The following LNX1 variants were observed in gnomAD, a reference collection of about 807,000 sequenced individuals.
The protein encoded by LNX1 is ligand of numb-protein X 1, also known as E3 ubiquitin-protein ligase LNX.
LNX1 carries 54 observed loss-of-function variants against 68.4 expected under a neutral mutation model. The observed-to-expected ratio is 0.79, with a 90% CI of 0.63 to 0.99. The LOEUF (loss-of-function observed/expected upper bound fraction) is 0.99, where lower values mean the gene tolerates loss of function less well. Ranked by LOEUF, LNX1 falls within the 50% of genes least tolerant of loss-of-function variation. The probability of loss-of-function intolerance (pLI) is 0.00; values close to 1 mark genes in which losing one functional copy is unlikely to be tolerated. For missense variants in LNX1, 906 were observed against 926.4 expected (o/e 0.98, Z 0.29); for synonymous variants, 336 against 350.0 (o/e 0.96, Z 0.45).
chr4:53,506,866 A>AAAAAAAAAAAAAAAAAAAG, intron 4 of LNX1, among the ~76,000 whole-genome samples: 2 of 148,498 alleles, frequency 1.3e-5, no homozygotes, highest in Non-Finnish European at 3.0e-5. Flanking sequence ...TAAAAAAAAA[A>AAAAAAAAAAAAAAAAAAAG]AAAAAAAAAG....
chr4:53,565,378 G>A (rs1395931579), intron 2 of LNX1, among the ~76,000 whole-genome samples: 1 of 151,966 alleles, frequency 6.6e-6, no homozygotes, highest in African/African-American at 2.4e-5. Context: ...GCACCCTCCA[G>A]CAGGGGCACA....
At chr4:53,566,166 G>A (rs1400621722) in intron 2 of LNX1, among the ~76,000 whole-genome samples, 3 of 151,938 alleles carry the variant, frequency 2.0e-5, no homozygotes, top group African/African-American at 7.3e-5. Flanking sequence ...AGATACTCCT[G>A]GAGAAGAGCA....
intron 2 of LNX1, among the ~76,000 whole-genome samples, chr4:53,566,704 A>G (rs1261338413): frequency 2.0e-5 from 3 of 152,152 alleles, no homozygotes; most frequent in African/African-American, 7.2e-5. Flanking sequence ...ACAGACTGGC[A>G]AATTGGATAA....
chr4:53,563,249 T>G (rs552745113), intron 2 of LNX1, among the ~76,000 whole-genome samples: 15 of 152,254 alleles, frequency 9.9e-5, no homozygotes, highest in African/African-American at 3.4e-4. Flanking sequence ...AGATGCATAT[T>G]TATTGAGTAA....
intron 1 of LNX1, among the ~76,000 whole-genome samples, chr4:53,644,614 T>C (rs193141781): frequency 6.6e-6 from 1 of 152,288 alleles, no homozygotes; most frequent in East Asian, 1.9e-4. Flanking sequence ...TCATAGCAAA[T>C]ACCTGGGAAC....
chr4:53,641,295 C>T (rs1313934399), intron 1 of LNX1, among the ~76,000 whole-genome samples: 1 of 152,214 alleles, frequency 6.6e-6, no homozygotes, highest in African/African-American at 2.4e-5. Flanking sequence ...TCTCTTCTGG[C>T]CCCAAGAGGG....
intron 1 of LNX1, among the ~76,000 whole-genome samples, chr4:53,648,194 A>C (rs1279670139): frequency 6.6e-6 from 1 of 151,900 alleles, no homozygotes; most frequent in African/African-American, 2.4e-5. Context: ...GTTACACAAT[A>C]GCTGTATCAG....
chr4:53,585,311 T>C (rs60601837), intron 1 of LNX1, among the ~76,000 whole-genome samples: 24,293 of 152,164 alleles, frequency 0.16, 2,061 homozygotes, highest in East Asian at 0.3. Context: ...GTAGTGATGA[T>C]GGCTGCCAAT....
upstream of LNX1, among the ~76,000 whole-genome samples, chr4:53,619,503 GT>G (rs1733790922): frequency 6.6e-6 from 1 of 152,090 alleles, no homozygotes; most frequent in African/African-American, 2.4e-5. Context: ...AGTTTCATGC[GT>G]GTTGGGTCAT....
In LNX1 at chr4:53,496,360, T is replaced by G. The variant is rs753747128; in HGVS notation, c.1013A>C (p.Asn338Thr). The change falls in exon 6 of 11, where the codon AAC becomes ACC. Residue 338 changes from asparagine (N) to threonine (T), a missense_variant. By Grantham distance (65) the Asn-to-Thr change is moderately conservative (BLOSUM62 0). Coordinates refer to ENST00000263925, the MANE Select transcript of LNX1 (RefSeq NM_001126328.3). ...CTGCCGCAGGAGACGCACAGCGTAG[T>G]TGTGAGGGACATTGCTGATGTCCAT... ...NGMDISNVPH[N>T]YAVRLLRQPC... The G allele has an allele frequency of 1.2e-6, 2 of 1,613,706 alleles. No individual in the cohort carries two copies. Among genetic ancestry groups the G allele is most frequent in the Non-Finnish European group, 1.7e-6 (2 of 1,179,708 alleles).
At chr4:53,571,065 G>A (rs1372148287) in intron 2 of LNX1, among the ~76,000 whole-genome samples, 1 of 150,468 alleles carries the variant, frequency 6.6e-6, no homozygotes, top group Non-Finnish European at 1.5e-5. Context: ...TTGAGATGGA[G>A]TCTCGCTCTG....
chr4:53,623,589 T>C (rs1733965727), intron 1 of LNX1, among the ~76,000 whole-genome samples: 1 of 152,006 alleles, frequency 6.6e-6, no homozygotes, highest in Non-Finnish European at 1.5e-5. Context: ...GTTAAGAGTA[T>C]TGTGATTTAG....
At chr4:53,545,656 T>C (rs1207616913) in intron 2 of LNX1, among the ~76,000 whole-genome samples, 1 of 152,188 alleles carries the variant, frequency 6.6e-6, no homozygotes, top group Non-Finnish European at 1.5e-5. Flanking sequence ...TTCCTGTGTA[T>C]TGCATTTAAT....
rs753026832 is a variant in LNX1, at chr4:53,573,869, A to G, written c.134T>C (p.Leu45Pro). 44 of 1,613,734 alleles carry G rather than the reference A, an allele frequency of 2.7e-5. No individual in the cohort carries two copies. The highest frequency in any genetic ancestry group is 3.3e-5 in the Non-Finnish European group (39 of 1,179,858). ...GTCCAGGGGGTCCAGCAAAGCCTGC[A>G]GGCAGATGTGGCAGATGAGGTCATC... ...VDDDLICHICLQALLDPLDTP... is the reference protein window; with the variant it reads ...VDDDLICHICPQALLDPLDTP... The change falls in exon 2 of 11, where the codon CTG (leucine) becomes CCG (proline). Residue 45 changes from leucine to proline, a missense_variant. Leu to Pro is a moderately conservative substitution (Grantham distance 98, BLOSUM62 -3). Coordinates refer to ENST00000263925, the MANE Select transcript of LNX1 (RefSeq NM_001126328.3).
intron 5 of LNX1, among the ~76,000 whole-genome samples, chr4:53,497,015 GT>G (rs1285442825): frequency 6.6e-6 from 1 of 152,096 alleles, no homozygotes; most frequent in East Asian, 1.9e-4. Context: ...CCCCTGCAAG[GT>G]TTTTTTGCCC....
At chr4:53,559,957 G>A (rs376607910) in intron 2 of LNX1, among the ~76,000 whole-genome samples, 2 of 152,266 alleles carry the variant, frequency 1.3e-5, no homozygotes, top group South Asian at 2.1e-4. Context: ...CACTGCACCT[G>A]GGTCTACTGT....
At chr4:53,561,206 A>G (rs1730263295) in intron 2 of LNX1, among the ~76,000 whole-genome samples, 1 of 152,130 alleles carries the variant, frequency 6.6e-6, no homozygotes, top group South Asian at 2.1e-4. Context: ...CTTACTTTTC[A>G]TAGGTAATAG....
chr4:53,466,993 T>G (rs1722738420), intron 9 of LNX1, among the ~76,000 whole-genome samples: 3 of 152,166 alleles, frequency 2.0e-5, no homozygotes, highest in African/African-American at 7.2e-5. Flanking sequence ...TTGAAGAGAC[T>G]AGTGGTTCTC....
rs1560614030 is a variant in LNX1 at position 53,472,111 on chromosome 4, G to T, written c.1892+4642C>A. 2.6e-5 allele frequency among the ~76,000 whole-genome samples: 4 copies of T among 152,278 alleles called. No homozygotes were observed. In the East Asian group the frequency reaches 5.8e-4, roughly 22 times the overall value. Reference sequence around the variant, plus strand: ...CCAAATTTCCAACAATGATAGACTGGATTAAGAAAACGTGGTACATATACA... The same window carrying T: ...CCAAATTTCCAACAATGATAGACTGTATTAAGAAAACGTGGTACATATACA... On this transcript the variant is annotated intron_variant, in intron 9 of 10. Transcript: ENST00000263925.
Sources: allele counts gnomAD v4.1 joint callset (sites outside exome capture counted in the v4.1 genomes callset), GRCh38; gene constraint gnomAD v4.1.1; transcripts MANE v1.5; gene names NCBI Gene and HGNC (gene_info 2026-07-23, HGNC 2026-07-21).